The following ATR variants were observed in gnomAD, a reference collection of about 807,000 sequenced individuals.
The protein encoded by ATR is ATR checkpoint kinase.
In ATR, 142 loss-of-function variants were observed where a neutral mutation model predicts 305.3. The observed-to-expected ratio is 0.47, with a 90% CI of 0.41 to 0.53. ATR has a LOEUF of 0.53. Among genes scored for constraint, ATR ranks in the 20% least tolerant of loss-of-function variants. The probability of loss-of-function intolerance (pLI) is 0.00; values close to 1 mark genes in which losing one functional copy is unlikely to be tolerated. For missense variants in ATR, 2,135 were observed against 3,133.1 expected, an observed-to-expected ratio of 0.68 and a Z score of 7.60; for synonymous variants, 1,050 against 1,068.1, an observed-to-expected ratio of 0.98 and a Z score of 0.33.
At chr3:142,490,476 T>C (rs1418138794) in intron 35 of ATR, among the ~76,000 whole-genome samples, 1 of 152,254 alleles carries the variant, frequency 6.6e-6, no homozygotes, top group Non-Finnish European at 1.5e-5. Context: ...TTTCATTTTC[T>C]TAACTGTCTT....
intron 19 of ATR, among the ~76,000 whole-genome samples, chr3:142,538,116 A>T (rs1040366793): frequency 1.3e-5 from 2 of 152,196 alleles, no homozygotes; most frequent in Non-Finnish European, 2.9e-5. Context: ...GCAATGAGGT[A>T]ATAAGGGTTT....
At chr3:142,544,452 C>CA (rs57120276) in intron 16 of ATR, among the ~76,000 whole-genome samples, 376 of 18,954 alleles carry the variant, frequency 0.02, 52 homozygotes, top group African/African-American at 0.037. Flanking sequence ...ATCCTGCCTC[C>CA]AAAAAAAAAA....
At chr3:142,461,641 A>G (rs2108265068) in intron 42 of ATR, among the ~76,000 whole-genome samples, 1 of 152,272 alleles carries the variant, frequency 6.6e-6, no homozygotes. Context: ...AGTACTGTAT[A>G]TACATAGTTT....
At chr3:142,507,842 T>A (rs1368827151) in intron 28 of ATR, 89 bp downstream of exon 28, 3 of 1,231,086 alleles carry the variant, frequency 2.4e-6, no homozygotes, top group Non-Finnish European at 3.5e-6. Flanking sequence ...AAGCATAGCA[T>A]ATAAAACATT....
chr3:142,542,766 T>C lies in ATR; in HGVS notation c.3358-9A>G, dbSNP rs2034100232. On this transcript the variant is annotated splice_polypyrimidine_tract_variant and intron_variant, in intron 16 of 46. Transcript: ENST00000350721. ...GGTTGTAAATAATCAGCCTAAGAAA[T>C]AAAAACAGATAATATGTAAGCTTTA... 6 of 1,582,852 alleles carry C rather than the reference T, an allele frequency of 3.8e-6. No individual in the cohort carries two copies. The highest frequency in any genetic ancestry group is 5.2e-6 in the Non-Finnish European group (6 of 1,153,122).
chr3:142,490,296 T>C (rs994859290), intron 35 of ATR, among the ~76,000 whole-genome samples: 2 of 152,328 alleles, frequency 1.3e-5, no homozygotes, highest in East Asian at 3.9e-4. Context: ...CTTCAAGTGA[T>C]CCTCAGGCCT....
chr3:142,551,330 A>C (rs1350306205), intron 13 of ATR, among the ~76,000 whole-genome samples: 4 of 152,134 alleles, frequency 2.6e-5, no homozygotes, highest in Non-Finnish European at 5.9e-5. Flanking sequence ...AAGAGGCTAA[A>C]GTGGGAGGAT....
intron 1 of ATR, among the ~76,000 whole-genome samples, chr3:142,577,927 A>G (rs2035493220): frequency 6.6e-6 from 1 of 152,204 alleles, no homozygotes; most frequent in African/African-American, 2.4e-5. Flanking sequence ...ACTGGTTTTC[A>G]TGAGGTTTAC....
rs1424153474 is a variant in ATR at position 142,461,962 on chromosome 3, C to T, written c.7170G>A (p.Leu2390=). 1.2e-6 allele frequency: 2 copies of T among 1,613,420 alleles called. No individual in the cohort carries two copies. Among genetic ancestry groups the T allele is most frequent in the African/African-American group, 2.7e-5 (2 of 74,898 alleles). The change falls in exon 42 of 47, where the codon CTG becomes CTA. Residue 2390 remains leucine (L), a synonymous_variant. Coordinates refer to ENST00000350721, the MANE Select transcript of ATR (RefSeq NM_001184.4). ...VNNTAGLRPI[L]TKLYKEKGVY... is the part of the protein sequence containing the mutation. Reference sequence around the variant, plus strand: ...TACCCTTTTCTTTATATAGTTTGGTCAGAATAGGTCTCAAACCAGCAGTGT... The same window carrying T: ...TACCCTTTTCTTTATATAGTTTGGTTAGAATAGGTCTCAAACCAGCAGTGT...
intron 23 of ATR, among the ~76,000 whole-genome samples, chr3:142,521,375 T>G (rs2033141482): frequency 6.6e-6 from 1 of 152,224 alleles, no homozygotes; most frequent in Non-Finnish European, 1.5e-5. Flanking sequence ...TCGTGCCTGC[T>G]AACACAACAT....
intron 35 of ATR, among the ~76,000 whole-genome samples, chr3:142,489,877 T>C (rs925675487): frequency 6.6e-6 from 1 of 152,260 alleles, no homozygotes; most frequent in Non-Finnish European, 1.5e-5. Context: ...GGTGCATTTA[T>C]TGCATTAATA....
chr3:142,575,984 T>C (rs1193261307), intron 1 of ATR, among the ~76,000 whole-genome samples: 1 of 152,224 alleles, frequency 6.6e-6, no homozygotes, highest in Non-Finnish European at 1.5e-5. Flanking sequence ...ACTTACAATA[T>C]GACTAATAGA....
intron 27 of ATR, among the ~76,000 whole-genome samples, chr3:142,509,729 T>C (rs1259537314): frequency 2.6e-5 from 4 of 151,774 alleles, no homozygotes; most frequent in Admixed American, 6.6e-5. Context: ...AGCTAATTTT[T>C]GTATTTTTTG....
At position 142,553,919 on chromosome 3, in the gene ATR, A is replaced by G. The variant is rs747884423; in HGVS notation, c.2438T>C (p.Met813Thr). 1.9e-6 allele frequency: 3 copies of G among 1,612,440 alleles called. No homozygotes were observed. Among genetic ancestry groups the G allele is most frequent in the South Asian group, 1.1e-5 (1 of 90,888 alleles). Residue 813 changes from methionine to threonine, a missense_variant, in exon 11 of 47, where the codon ATG becomes ACG. By Grantham distance (81) the Met-to-Thr change is moderately conservative. Coordinates refer to ENST00000350721, the MANE Select transcript of ATR (RefSeq NM_001184.4). ...TCTAACATCTTTGTCTGGATCTTCCATTAAATTTAATAAAGTTCCAAGAAC... is the reference window on the plus strand; with the variant it reads ...TCTAACATCTTTGTCTGGATCTTCCGTTAAATTTAATAAAGTTCCAAGAAC... Reference protein sequence around the residue: ...KAVLGTLLNLMEDPDKDVRVA... With the variant: ...KAVLGTLLNLTEDPDKDVRVA...
At chr3:142,472,865 C>T (rs999424004) in intron 36 of ATR, among the ~76,000 whole-genome samples, 1 of 152,092 alleles carries the variant, frequency 6.6e-6, no homozygotes, top group Non-Finnish European at 1.5e-5. Flanking sequence ...GTCTTGAACT[C>T]CTGGGCTCAA....
intron 36 of ATR, among the ~76,000 whole-genome samples, chr3:142,475,860 AT>A (rs1454903392): frequency 1.1e-4 from 17 of 151,964 alleles, no homozygotes; most frequent in African/African-American, 3.9e-4. Flanking sequence ...GATGATGAGC[AT>A]TTTTTTCATG....
chr3:142,514,516 C>T (rs2108377855), intron 25 of ATR, among the ~76,000 whole-genome samples: 1 of 151,520 alleles, frequency 6.6e-6, no homozygotes. Flanking sequence ...CACCTGTAAT[C>T]CCAGCCACTT....
intron 18 of ATR, among the ~76,000 whole-genome samples, chr3:142,539,455 A>G (rs991575928): frequency 3.9e-5 from 6 of 152,202 alleles, no homozygotes; most frequent in Admixed American, 3.9e-4. Context: ...CAGCAATAAA[A>G]AAGGATAGTG....
At chr3:142,466,183 T>G (rs1368159257) in intron 40 of ATR, 141 bp downstream of exon 40, 2 of 975,594 alleles carry the variant, frequency 2.1e-6, no homozygotes, top group African/African-American at 3.3e-5. Context: ...CAAATGAGTT[T>G]AGTTTTACTC....
Sources: gnomAD v4.1 joint callset for allele counts (sites outside exome capture counted in the v4.1 genomes callset) on GRCh38, gnomAD v4.1.1 for gene constraint, MANE v1.5 for transcripts, NCBI Gene and HGNC (gene_info 2026-07-23, HGNC 2026-07-21) for gene names.